HOOK1: variants seen among roughly 807,000 people sequenced by gnomAD.
The protein encoded by HOOK1 is hook microtubule tethering protein 1, also known as protein Hook homolog 1.
A neutral mutation model predicts 112.8 loss-of-function variants in HOOK1; 60 were observed. That is an observed-to-expected ratio of 0.53 (90% CI 0.43 to 0.66). The LOEUF (loss-of-function observed/expected upper bound fraction) is 0.66, where lower values mean the gene tolerates loss of function less well. Among genes scored for constraint, HOOK1 ranks in the 30% least tolerant of loss-of-function variants. The pLI is 0.00. For missense variants in HOOK1, 770 were observed against 856.0 expected (o/e 0.90, Z 1.25); for synonymous variants, 294 against 283.8 (o/e 1.04, Z -0.36).
In HOOK1 at chr1:59,874,026, T is replaced by C. The variant is rs1244649778; in HGVS notation, c.*1061T>C. 2 of 151,990 alleles carry C rather than the reference T, an allele frequency of 1.3e-5. No individual in the cohort carries two copies. The highest frequency in any genetic ancestry group is 6.5e-5 in the Admixed American group (1 of 15,268). The allele number at this position is 151,990 out of a possible 1,614,324, so 9.4% of individuals were successfully genotyped here. A position where few individuals can be genotyped will look rare whatever the true frequency, so the allele number is the denominator to read the frequency against. On this transcript the variant is annotated 3_prime_UTR_variant, in exon 22 of 22. Coordinates refer to ENST00000371208, the MANE Select transcript of HOOK1 (RefSeq NM_015888.6). ...GCTCTTATTTTCAGAGGTGTTACTT[T>C]TGAACTTTTGGGGTCATTTTTAAAA...
intron 1 of HOOK1, among the ~76,000 whole-genome samples, chr1:59,816,439 G>T (rs1445874932): frequency 6.6e-6 from 1 of 152,146 alleles, no homozygotes; most frequent in African/African-American, 2.4e-5. Context: ...TACTTTTAAT[G>T]ATTTGTTTTG....
chr1:59,837,153 T>C (rs1476148881), intron 7 of HOOK1, among the ~76,000 whole-genome samples: 3 of 152,220 alleles, frequency 2.0e-5, no homozygotes, highest in African/African-American at 7.2e-5. Flanking sequence ...GAACATTCCT[T>C]CTGACACTTG....
At chr1:59,854,824 T>C (rs954408973) in intron 12 of HOOK1, among the ~76,000 whole-genome samples, 2 of 152,196 alleles carry the variant, frequency 1.3e-5, no homozygotes, top group African/African-American at 4.8e-5. Context: ...GAACTGTAGA[T>C]TGATGATCCA....
rs528699359 is a variant in HOOK1, at chr1:59,822,155, G to A, written c.149+212G>A. ...TGTTCATAGAGATACATCTTAACTG[G>A]ATATGTGATCAGGATTCTTATTTAT... is the stretch of plus-strand genomic sequence containing the variant. On this transcript the variant is annotated intron_variant, in intron 2 of 21. Transcript: ENST00000371208. 3.3e-5 allele frequency among the ~76,000 whole-genome samples: 5 copies of A among 152,206 alleles called. No individual in the cohort carries two copies. In the East Asian group the frequency reaches 9.7e-4, roughly 29 times the overall value.
intron 5 of HOOK1, among the ~76,000 whole-genome samples, chr1:59,834,053 A>G (rs941394962): frequency 2.0e-5 from 3 of 152,178 alleles, no homozygotes; most frequent in African/African-American, 7.2e-5. Flanking sequence ...AGTGATCCAT[A>G]TTTTGCTGAG....
rs535976928 is a variant in HOOK1, at chr1:59,827,810, G to A, written c.150-970G>A. ...ATGAGCAGAAAGGTTTCAGTTTTGC[G>A]TTCTTAAATTCAATTTACAACCTTG... On this transcript the variant is annotated intron_variant, in intron 2 of 21. Coordinates refer to ENST00000371208, the MANE Select transcript of HOOK1 (RefSeq NM_015888.6). 7.9e-5 allele frequency among the ~76,000 whole-genome samples: 12 copies of A among 151,676 alleles called. No homozygotes were observed. The South Asian group carries it at 1.7e-3, about 21-fold the overall frequency.
chr1:59,858,500 C>T lies in HOOK1; in HGVS notation c.1315C>T (p.His439Tyr), dbSNP rs1159380882. Residue 439 changes from histidine to tyrosine, a missense_variant, in exon 13 of 22, where the codon CAC becomes TAC. Physicochemically the swap from His to Tyr is moderately conservative, Grantham distance 83 (BLOSUM62 2). Coordinates refer to ENST00000371208, the MANE Select transcript of HOOK1 (RefSeq NM_015888.6). ...ELRCSQVQQD[H>Y]LNQTDASATK... ...TCGATGTTCACAAGTACAACAGGACCACCTAAACCAAACAGGTTAATTTTG... is the reference window on the plus strand; with the variant it reads ...TCGATGTTCACAAGTACAACAGGACTACCTAAACCAAACAGGTTAATTTTG... 1.7e-5 allele frequency: 28 copies of T among 1,610,044 alleles called. No individual in the cohort carries two copies. The highest frequency in any genetic ancestry group is 2.2e-5 in the Non-Finnish European group (26 of 1,176,388).
At chr1:59,858,586 AAACTT>A (rs1394793501) in intron 13 of HOOK1, 71 bp downstream of exon 13, 1 of 1,004,718 alleles carries the variant, frequency 1.0e-6, no homozygotes. Context: ...CAAAAAATAA[AAACTT>A]AACCTGTCAT....
At chr1:59,867,866 T>G (rs1160029157) in intron 19 of HOOK1, among the ~76,000 whole-genome samples, 1 of 152,160 alleles carries the variant, frequency 6.6e-6, no homozygotes, top group Non-Finnish European at 1.5e-5. Flanking sequence ...AATGTTTCCT[T>G]AGAGTTATTG....
At chr1:59,865,110 T>C in intron 17 of HOOK1, 53 bp from the exon 18 acceptor site, 1 of 1,097,936 alleles carries the variant, frequency 9.1e-7, no homozygotes, top group South Asian at 1.3e-5. Context: ...TTGCCCAAGG[T>C]CCACAAATGT....
intron 17 of HOOK1, 24 bp downstream of exon 17, chr1:59,864,690 T>A: frequency 7.0e-7 from 1 of 1,421,920 alleles, no homozygotes; most frequent in Non-Finnish European, 9.8e-7. Flanking sequence ...ATATTTCTTT[T>A]CAAATATGAG....
In HOOK1 at chr1:59,874,539, T is replaced by C. The variant is rs964051601; in HGVS notation, c.*1574T>C. 4 of 152,208 alleles carry C rather than the reference T, an allele frequency of 2.6e-5. No individual in the cohort carries two copies. Among genetic ancestry groups the C allele is most frequent in the African/African-American group, 7.2e-5 (3 of 41,468 alleles). 9.4% of individuals were successfully genotyped at this position (152,208 alleles called of 1,614,324 possible). ...GTGAATGGACAAAGAGTAAATACTT[T>C]AGTAAATGTCTTAGGCTTTGTGGCC... On this transcript the variant is annotated 3_prime_UTR_variant, in exon 22 of 22. Coordinates refer to ENST00000371208, the MANE Select transcript of HOOK1 (RefSeq NM_015888.6).
chr1:59,823,286 C>A (rs1031634826), intron 2 of HOOK1, among the ~76,000 whole-genome samples: 3 of 152,160 alleles, frequency 2.0e-5, no homozygotes, highest in Admixed American at 6.5e-5. Context: ...TGCCACTGCA[C>A]TCCAGCCTGG....
intron 3 of HOOK1, among the ~76,000 whole-genome samples, chr1:59,830,761 T>C (rs2098393297): frequency 6.6e-6 from 1 of 152,138 alleles, no homozygotes; most frequent in Non-Finnish European, 1.5e-5. Flanking sequence ...TTATCTTTCA[T>C]TTCTGAACCC....
intron 12 of HOOK1, among the ~76,000 whole-genome samples, chr1:59,852,095 C>T (rs946702534): frequency 4.6e-5 from 7 of 151,548 alleles, no homozygotes; most frequent in Non-Finnish European, 1.0e-4. Context: ...ATTTTTCCAT[C>T]GGTATTATAA....
intron 1 of HOOK1, among the ~76,000 whole-genome samples, chr1:59,819,301 C>T (rs2098383861): frequency 6.6e-6 from 1 of 151,860 alleles, no homozygotes; most frequent in Admixed American, 6.6e-5. Flanking sequence ...AGGCATGTGC[C>T]ACCACACCCG....
intron 19 of HOOK1, among the ~76,000 whole-genome samples, chr1:59,866,679 C>A (rs1643973674): frequency 6.6e-6 from 1 of 152,176 alleles, no homozygotes; most frequent in Non-Finnish European, 1.5e-5. Context: ...CAGCATAAAT[C>A]ACTTTCACTC....
At position 59,872,874 on chromosome 1, in the gene HOOK1, C is replaced by G; in HGVS notation, c.2096C>G (p.Thr699Ser). 2 of 1,528,616 alleles carry G rather than the reference C, an allele frequency of 1.3e-6. No individual in the cohort carries two copies. 94.7% of individuals were successfully genotyped at this position (1,528,616 alleles called of 1,614,324 possible). A position where few individuals can be genotyped will look rare whatever the true frequency, so the allele number is the denominator to read the frequency against. Residue 699 changes from threonine to serine, a missense_variant, in exon 22 of 22, where the codon ACT (threonine) becomes AGT (serine). Transcript: ENST00000371208. ...GCCTGCAGTGACACTGGTGCGTGCA[C>G]TCCTGCGCGGTCTTTCTTAGCGCAG... ...GGACSDTGAC[T>S]PARSFLAQQR...
chr1:59,830,064 C>G (rs958943472), intron 3 of HOOK1, among the ~76,000 whole-genome samples: 3 of 151,994 alleles, frequency 2.0e-5, no homozygotes, highest in Non-Finnish European at 4.4e-5. Context: ...TGAGACAATA[C>G]TCTGTATTGA....
Sources: gnomAD v4.1 joint callset for allele counts (sites outside exome capture counted in the v4.1 genomes callset) on GRCh38, gnomAD v4.1.1 for gene constraint, MANE v1.5 for transcripts, NCBI Gene and HGNC (gene_info 2026-07-23, HGNC 2026-07-21) for gene names.